Variants in MRPL34 observed in about 807,000 individuals in gnomAD.
MRPL34 encodes the protein mitochondrial ribosomal protein L34.
A neutral mutation model predicts 6.7 loss-of-function variants in MRPL34; 8 were observed. The observed-to-expected ratio is 1.20, with a 90% CI of 0.70 to 2.16. The LOEUF is 2.16. Ranked by LOEUF, MRPL34 falls within the 30% of genes most tolerant of loss-of-function variation. The pLI is 0.00. For synonymous variants in MRPL34, 59 were observed against 55.1 expected (o/e 1.07, Z -0.31); for missense variants, 146 against 125.5 (o/e 1.16, Z -0.78).
chr19:17,301,604 C>A (rs1431301310), upstream of MRPL34: 1 of 1,553,930 alleles, frequency 6.4e-7, no homozygotes, highest in Admixed American at 1.8e-5. Context: ...CCGTCGGTCA[C>A]CCCGGTCAGC....
At position 17,292,863 on chromosome 19, in the gene MRPL34, G is replaced by A. The variant is rs568261859; in HGVS notation, c.214+9G>A. On this transcript the variant is annotated intron_variant, in intron 1 of 2. Transcript: ENST00000595444. Reference sequence around the variant, plus strand: ...AAGACGCAGGGCTCAAGGTAGGCGGGGGCAAGAGGGTGGAGAGAGGCCAGG... The same window carrying A: ...AAGACGCAGGGCTCAAGGTAGGCGGAGGCAAGAGGGTGGAGAGAGGCCAGG... 2.4e-5 allele frequency: 39 copies of A among 1,597,730 alleles called. No homozygotes were observed. In the African/African-American group the frequency reaches 3.5e-4, roughly 14 times the overall value.
At chr19:17,295,287 A>T in intron 1 of MRPL34, among the ~76,000 whole-genome samples, 1 of 151,096 alleles carries the variant, frequency 6.6e-6, no homozygotes, top group Non-Finnish European at 1.5e-5. Flanking sequence ...TTGTATTTTT[A>T]GTAGAGATGG....
chr19:17,301,103 C>T (rs555670452), upstream of MRPL34: 22 of 1,613,222 alleles, frequency 1.4e-5, no homozygotes, highest in East Asian at 2.2e-5. Flanking sequence ...TCGGCCTGGG[C>T]GCCTTTGCAG....
chr19:17,305,731 T>C, upstream of MRPL34: 1 of 748,912 alleles, frequency 1.3e-6, no homozygotes. Flanking sequence ...CTGGCGCGCC[T>C]CTGTTGCGCA....
At position 17,306,387 on chromosome 19, in the gene MRPL34, G is replaced by C; in HGVS notation, c.*8G>C. The C allele has an allele frequency of 6.4e-7, 1 of 1,562,364 alleles. No homozygotes were observed. Among genetic ancestry groups the C allele is most frequent in the South Asian group, 1.2e-5 (1 of 84,634 alleles). On this transcript the variant is annotated 3_prime_UTR_variant, in exon 2 of 2. Transcript: ENST00000252602. Reference sequence around the variant, plus strand: ...AAGTCGCTGAGCCATTGAGGATCGCGACGCAGTCGGCGGGACCCTCATGGA... The same window carrying C: ...AAGTCGCTGAGCCATTGAGGATCGCCACGCAGTCGGCGGGACCCTCATGGA...
intron 1 of MRPL34, chr19:17,294,273 G>A (rs375212540): frequency 2.5e-6 from 4 of 1,592,692 alleles, no homozygotes; most frequent in African/African-American, 1.3e-5. Context: ...TGGCGCCCCA[G>A]GTGCCCGCCT....
upstream of MRPL34, among the ~76,000 whole-genome samples, chr19:17,301,799 TGTGTGTGTG>T (rs2074121067): frequency 2.6e-5 from 4 of 151,870 alleles, no homozygotes; most frequent in Admixed American, 2.0e-4. Flanking sequence ...TGTGTGTGTG[TGTGTGTGTG>T]TTTTTGAGAC....
chr19:17,305,811 C>T (rs2074143306), upstream of MRPL34: 1 of 1,401,550 alleles, frequency 7.1e-7, no homozygotes, highest in African/African-American at 1.4e-5. Context: ...AACTACATTT[C>T]CCATAATCCT....
intron 1 of MRPL34, chr19:17,294,339 G>C (rs1261497158): frequency 6.2e-7 from 1 of 1,612,556 alleles, no homozygotes. Flanking sequence ...CGTGCATGCC[G>C]TGGACAAGCA....
At chr19:17,294,332 G>T in intron 1 of MRPL34, 1 of 1,611,748 alleles carries the variant, frequency 6.2e-7, no homozygotes. Flanking sequence ...AACTTATCGT[G>T]CATGCCGTGG....
At chr19:17,299,792 G>T (rs1350827455), upstream of MRPL34, among the ~76,000 whole-genome samples, 2 of 151,908 alleles carry the variant, frequency 1.3e-5, no homozygotes, top group African/African-American at 4.8e-5. Context: ...ATTTTTGTTT[G>T]CTTTGTTTTG....
At chr19:17,293,689 T>TG (rs1568346468) in intron 1 of MRPL34, among the ~76,000 whole-genome samples, 1 of 59,074 alleles carries the variant, frequency 1.7e-5, no homozygotes, top group Non-Finnish European at 4.2e-5. Flanking sequence ...TAATGGTTTT[T>TG]GTTTTTTTTT....
chr19:17,301,496 C>G (rs765984168), upstream of MRPL34: 3 of 1,611,628 alleles, frequency 1.9e-6, no homozygotes, highest in South Asian at 2.2e-5. Flanking sequence ...AGCACGCGGC[C>G]GGGCTTGACC....
At chr19:17,300,876 C>T, upstream of MRPL34, 1 of 1,597,796 alleles carries the variant, frequency 6.3e-7, no homozygotes, top group Admixed American at 1.7e-5. Context: ...GGCCAATGAG[C>T]ACATTTCGCT....
chr19:17,304,620 C>T (rs1277051338), upstream of MRPL34, among the ~76,000 whole-genome samples: 2 of 152,126 alleles, frequency 1.3e-5, no homozygotes, highest in Non-Finnish European at 2.9e-5. Flanking sequence ...TTCTGGGAGA[C>T]TATACAGTTT....
upstream of MRPL34, among the ~76,000 whole-genome samples, chr19:17,299,938 C>T (rs1335978843): frequency 2.0e-5 from 3 of 148,678 alleles, no homozygotes; most frequent in Admixed American, 6.8e-5. Context: ...CTCCTTCTGT[C>T]GCCCAGGCTG....
chr19:17,301,155 G>A, upstream of MRPL34: 6 of 1,611,408 alleles, frequency 3.7e-6, no homozygotes, highest in Non-Finnish European at 5.1e-6. Flanking sequence ...TGGTCCTCTT[G>A]GGGCGCCTGG....
chr19:17,305,323 A>G (rs1298662591), upstream of MRPL34, among the ~76,000 whole-genome samples: 3 of 151,054 alleles, frequency 2.0e-5, no homozygotes, highest in East Asian at 5.8e-4. Context: ...TGCCAAAGAC[A>G]AGCTTGCAAT....
At chr19:17,293,492 C>A (rs1334102388) in intron 1 of MRPL34, among the ~76,000 whole-genome samples, 1 of 137,080 alleles carries the variant, frequency 7.3e-6, no homozygotes, top group African/African-American at 2.7e-5. Context: ...GGGCGGGTAG[C>A]TGGGGTGGGG....
Sources: allele counts gnomAD v4.1 joint callset (sites outside exome capture counted in the v4.1 genomes callset), GRCh38; gene constraint gnomAD v4.1.1; transcripts MANE v1.5; gene names NCBI Gene and HGNC (gene_info 2026-07-23, HGNC 2026-07-21).